The following COBLL1 variants were observed in gnomAD, a reference collection of about 807,000 sequenced individuals.
COBLL1 encodes cordon-bleu WH2 repeat protein like 1.
In COBLL1, 50 loss-of-function variants were observed where a neutral mutation model predicts 94.8. The ratio of observed to expected loss-of-function variants is 0.53; its 90% CI spans 0.42 to 0.67. COBLL1 has a LOEUF of 0.67. Among genes scored for constraint, COBLL1 ranks in the 30% least tolerant of loss-of-function variants. COBLL1 has a pLI of 0.00. For synonymous variants in COBLL1, 448 were observed against 473.8 expected (o/e 0.95, Z 0.71); for missense variants, 1,362 against 1,348.7 (o/e 1.01, Z -0.15).
intron 2 of COBLL1, among the ~76,000 whole-genome samples, chr2:164,811,525 G>C (rs1684456854): frequency 6.6e-6 from 1 of 151,938 alleles, no homozygotes; most frequent in Admixed American, 6.6e-5. Flanking sequence ...ATTGACTCTA[G>C]TTAAAGAGCT....
chr2:164,840,542 T>C (rs957935131), intron 2 of COBLL1: 13 of 151,518 alleles, frequency 8.6e-5, no homozygotes, highest in Admixed American at 7.2e-4. Context: ...TTCTCAAACA[T>C]GTGAGGATAA....
chr2:164,801,088 AG>A (rs1683753885), intron 2 of COBLL1, among the ~76,000 whole-genome samples: 1 of 152,144 alleles, frequency 6.6e-6, no homozygotes, highest in Admixed American at 6.5e-5. Context: ...GCTTGAGGCC[AG>A]GAGTTCAAGA....
chr2:164,791,064 A>G (rs948146725), intron 2 of COBLL1, among the ~76,000 whole-genome samples: 2 of 152,118 alleles, frequency 1.3e-5, no homozygotes, highest in African/African-American at 4.8e-5. Flanking sequence ...ACATATAACA[A>G]TGTATTCTAT....
At chr2:164,779,835 C>T (rs535143839) in intron 2 of COBLL1, 11 of 441,034 alleles carry the variant, frequency 2.5e-5, no homozygotes, top group African/African-American at 1.2e-4. Context: ...AAATTTAGAC[C>T]GAACATTAAA....
Position 164,841,388 on chromosome 2 carries a change from C to T in COBLL1, c.-50-142G>A, listed in dbSNP as rs565944445. 1.1e-3 allele frequency: 1,310 copies of T among 1,177,498 alleles called. 18 individuals are homozygous for T. The African/African-American group carries it at 0.019, about 17-fold the overall frequency. 72.9% of individuals were successfully genotyped at this position (1,177,498 alleles called of 1,614,324 possible). A position where few individuals can be genotyped will look rare whatever the true frequency, so the allele number is the denominator to read the frequency against. The stretch of plus-strand genomic sequence containing the variant: ...CCCGGGTGCGCTTCCACCTGCGGGC[C>T]CCGGCTCCCAGCCCGCGGGCGCCGC... On this transcript the variant is annotated intron_variant, in intron 1 of 13. Coordinates refer to ENST00000652658, the MANE Select transcript of COBLL1 (RefSeq NM_001365672.2). This position sits in a 1 kb window ranked among gnomAD's most constrained non-coding sequence, Gnocchi z 5.5.
At chr2:164,773,836 T>A in intron 2 of COBLL1, 1 of 853,224 alleles carries the variant, frequency 1.2e-6, no homozygotes, top group South Asian at 2.1e-5. Flanking sequence ...CGCCAGGCAC[T>A]TCTTACCTCT....
chr2:164,742,863 G>C (rs1686669122), intron 3 of COBLL1, among the ~76,000 whole-genome samples: 1 of 152,040 alleles, frequency 6.6e-6, no homozygotes, highest in Non-Finnish European at 1.5e-5. Flanking sequence ...GAGAAAGAGA[G>C]AGAGAGAGCG....
chr2:164,840,847 C>T (rs1191078726), intron 2 of COBLL1: 3 of 309,084 alleles, frequency 9.7e-6, no homozygotes, highest in Non-Finnish European at 1.8e-5. Context: ...TCCCCCAGAG[C>T]CCAAACAAGG....
intron 1 of COBLL1, among the ~76,000 whole-genome samples, chr2:164,673,650 G>T (rs185147370): frequency 1.6e-3 from 249 of 152,002 alleles, no homozygotes; most frequent in Non-Finnish European, 2.9e-3. Context: ...CTGCAGCCTG[G>T]GTGAAAGAGA....
intron 5 of COBLL1, chr2:164,727,051 T>A (rs1007040044): frequency 2.2e-6 from 2 of 921,588 alleles, no homozygotes; most frequent in African/African-American, 3.4e-5. Context: ...GAAGCTTAAT[T>A]TCAATATATC....
intron 1 of COBLL1, among the ~76,000 whole-genome samples, chr2:164,669,060 C>T (rs1691208494): frequency 1.3e-5 from 2 of 152,186 alleles, no homozygotes. Flanking sequence ...ATAGTTTTCC[C>T]CCCAAAAGTT....
At chr2:164,800,263 G>A (rs189000637) in intron 2 of COBLL1, among the ~76,000 whole-genome samples, 6 of 152,048 alleles carry the variant, frequency 3.9e-5, no homozygotes, top group African/African-American at 1.2e-4. Context: ...AATTGGCCAG[G>A]GACTTAAACA....
At chr2:164,760,865 C>T in intron 2 of COBLL1, among the ~76,000 whole-genome samples, 1 of 152,128 alleles carries the variant, frequency 6.6e-6, no homozygotes, top group East Asian at 1.9e-4. Context: ...TTAAAGTAAA[C>T]CTGTATACAG....
intron 2 of COBLL1, among the ~76,000 whole-genome samples, chr2:164,748,296 T>C (rs948279419): frequency 6.6e-6 from 1 of 152,190 alleles, no homozygotes; most frequent in Non-Finnish European, 1.5e-5. Context: ...TTTGACCTTT[T>C]AGTCACCAGC....
At chr2:164,671,817 C>T (rs1488098258) in intron 1 of COBLL1, among the ~76,000 whole-genome samples, 1 of 152,018 alleles carries the variant, frequency 6.6e-6, no homozygotes, top group African/African-American at 2.4e-5. Context: ...ACTCATTAAC[C>T]TCCTAGCCCT....
intron 2 of COBLL1, among the ~76,000 whole-genome samples, chr2:164,756,308 A>G (rs1233980040): frequency 1.3e-5 from 2 of 152,090 alleles, no homozygotes; most frequent in Non-Finnish European, 2.9e-5. Flanking sequence ...AATATTCACT[A>G]TGATAGCCAG....
At chr2:164,766,585 C>G (rs1012550179) in intron 2 of COBLL1, among the ~76,000 whole-genome samples, 14 of 152,148 alleles carry the variant, frequency 9.2e-5, no homozygotes, top group Admixed American at 3.3e-4. Context: ...CAGAATCATG[C>G]TTCCTCTACA....
chr2:164,801,077 T>C (rs6726505), intron 2 of COBLL1, among the ~76,000 whole-genome samples: 29,878 of 152,008 alleles, frequency 0.2, 3,040 homozygotes, highest in Middle Eastern at 0.27. Flanking sequence ...GAGGGAGGAT[T>C]GCTTGAGGCC....
At chr2:164,823,585 T>C (rs1010684302) in intron 2 of COBLL1, among the ~76,000 whole-genome samples, 10 of 152,136 alleles carry the variant, frequency 6.6e-5, no homozygotes, top group African/African-American at 1.9e-4. Flanking sequence ...ACTTGAATAA[T>C]TGCATACCCC....
Sources: gnomAD v4.1 joint callset for allele counts (sites outside exome capture counted in the v4.1 genomes callset) on GRCh38, gnomAD v4.1.1 for gene constraint, Gnocchi (gnomAD v3.1) non-coding constraint, MANE v1.5 for transcripts, NCBI Gene and HGNC (gene_info 2026-07-23, HGNC 2026-07-21) for gene names.